The following CHST8 variants were observed in gnomAD, a reference collection of about 807,000 sequenced individuals.
CHST8 encodes GALNAC-4-ST1.
Under a neutral mutation model 15.0 loss-of-function variants are expected in CHST8, and 10 were observed. The observed-to-expected ratio is 0.67, with a 90% confidence interval of 0.41 to 1.13. The LOEUF is 1.13. Ranked by LOEUF, CHST8 falls within the 50% of genes most tolerant of loss-of-function variation. The pLI, the probability that CHST8 is intolerant of heterozygous loss-of-function variation, is 0.00. For missense variants in CHST8, 634 were observed against 608.2 expected, an observed-to-expected ratio of 1.04 and a Z score of -0.45; for synonymous variants, 259 against 256.6, an observed-to-expected ratio of 1.01 and a Z score of -0.09.
intron 2 of CHST8, among the ~76,000 whole-genome samples, chr19:33,686,454 CTG>C: frequency 6.6e-6 from 1 of 152,282 alleles, no homozygotes; most frequent in East Asian, 1.9e-4. Context: ...TGGAGACAGA[CTG>C]GGGAGAAGAG....
At chr19:33,707,026 G>A (rs1033306451) in intron 3 of CHST8, among the ~76,000 whole-genome samples, 18 of 152,292 alleles carry the variant, frequency 1.2e-4, no homozygotes, top group African/African-American at 4.3e-4. Flanking sequence ...AGGTGATGGG[G>A]ACTTTCTGGG....
At chr19:33,623,356 G>A (rs928188541) in intron 1 of CHST8, among the ~76,000 whole-genome samples, 1 of 152,162 alleles carries the variant, frequency 6.6e-6, no homozygotes, top group Admixed American at 6.5e-5. Context: ...CTCAGGAGCC[G>A]TGATCAGCTC....
intron 3 of CHST8, among the ~76,000 whole-genome samples, chr19:33,697,451 C>T (rs1017960255): frequency 6.6e-5 from 10 of 151,982 alleles, no homozygotes; most frequent in African/African-American, 2.4e-4. Flanking sequence ...AGGCTGGTCT[C>T]GAACTCCTGG....
chr19:33,675,023 T>G (rs768970373), intron 2 of CHST8, among the ~76,000 whole-genome samples: 1 of 152,102 alleles, frequency 6.6e-6, no homozygotes, highest in African/African-American at 2.4e-5. Context: ...GATGGAGCCG[T>G]AGAGACACAC....
chr19:33,738,585 GT>G (rs919013783), intron 3 of CHST8, among the ~76,000 whole-genome samples: 1 of 152,080 alleles, frequency 6.6e-6, no homozygotes, highest in Non-Finnish European at 1.5e-5. Flanking sequence ...GAGAGTGCAA[GT>G]TTTTTCTTTT....
intron 3 of CHST8, chr19:33,744,604 A>G (rs1974274686): frequency 6.6e-6 from 1 of 151,852 alleles, no homozygotes; most frequent in Non-Finnish European, 1.5e-5. Context: ...TCTGTCAGCC[A>G]GGTTGTAGTG....
chr19:33,644,123 C>T (rs11882375), intron 1 of CHST8, among the ~76,000 whole-genome samples: 61,045 of 151,750 alleles, frequency 0.4, 12,670 homozygotes, highest in Admixed American at 0.54. Flanking sequence ...GGTAGAGATG[C>T]GGTTTCACCA....
At chr19:33,729,461 C>A (rs1973957046) in intron 3 of CHST8, among the ~76,000 whole-genome samples, 1 of 152,236 alleles carries the variant, frequency 6.6e-6, no homozygotes, top group Non-Finnish European at 1.5e-5. Flanking sequence ...GAAGTGACAG[C>A]CCGTCATTGT....
Position 33,745,247 on chromosome 19 carries a change from C to G in CHST8, c.131-26166C>G, listed in dbSNP as rs545209932. Among the ~76,000 whole-genome samples the G allele has an allele frequency of 4.6e-5, 7 of 152,202 alleles. No individual in the cohort carries two copies. In the South Asian group the frequency reaches 1.5e-3, roughly 32 times the overall value. ...AGGTAAGAGTCTCTATATAGGCTGC[C>G]ACAGAGTTAATTGCCAGCCAATGCC... On this transcript the variant is annotated intron_variant, in intron 3 of 4. Transcript: ENST00000650847.
At chr19:33,667,454 C>T (rs1972678684) in intron 1 of CHST8, among the ~76,000 whole-genome samples, 1 of 152,292 alleles carries the variant, frequency 6.6e-6, no homozygotes, top group East Asian at 1.9e-4. Context: ...CCACTTCTCT[C>T]TGCACCTTTC....
intron 3 of CHST8, among the ~76,000 whole-genome samples, chr19:33,690,355 T>C (rs557487069): frequency 3.3e-5 from 5 of 152,036 alleles, no homozygotes; most frequent in African/African-American, 1.2e-4. Context: ...GAGGGGTTGC[T>C]GCGTAAATCC....
At chr19:33,646,275 C>T (rs867153814) in intron 1 of CHST8, among the ~76,000 whole-genome samples, 1 of 151,964 alleles carries the variant, frequency 6.6e-6, no homozygotes, top group East Asian at 1.9e-4. Flanking sequence ...GAATGCTGGC[C>T]GGCTGTGTTA....
chr19:33,763,916 C>T (rs950041524), intron 3 of CHST8, among the ~76,000 whole-genome samples: 5 of 152,224 alleles, frequency 3.3e-5, no homozygotes, highest in Admixed American at 1.3e-4. Flanking sequence ...AAGCAGGCCC[C>T]GGCCTGGCAT....
intron 3 of CHST8, among the ~76,000 whole-genome samples, chr19:33,746,041 A>T (rs922249660): frequency 4.6e-5 from 7 of 152,214 alleles, no homozygotes; most frequent in Admixed American, 4.6e-4. Context: ...TTGAAAATTA[A>T]TTGTAGCTGG....
chr19:33,652,069 T>G (rs1972455877), intron 1 of CHST8, among the ~76,000 whole-genome samples: 1 of 152,156 alleles, frequency 6.6e-6, no homozygotes, highest in Admixed American at 6.6e-5. Context: ...TTGACTATAT[T>G]TTTTTGTAAA....
At chr19:33,628,483 C>A (rs950714126) in intron 1 of CHST8, among the ~76,000 whole-genome samples, 28 of 152,198 alleles carry the variant, frequency 1.8e-4, no homozygotes, top group African/African-American at 6.5e-4. Flanking sequence ...TGGTCTGGTC[C>A]ATCAGGCTCT....
At chr19:33,626,600 G>C (rs1217617673) in intron 1 of CHST8, among the ~76,000 whole-genome samples, 1 of 152,118 alleles carries the variant, frequency 6.6e-6, no homozygotes, top group Admixed American at 6.6e-5. Context: ...GTTCCCACAA[G>C]AGCTGGTTGT....
intron 3 of CHST8, among the ~76,000 whole-genome samples, chr19:33,715,600 G>A (rs557524331): frequency 6.6e-6 from 1 of 152,352 alleles, no homozygotes; most frequent in Non-Finnish European, 1.5e-5. Context: ...CAGGCAGGAG[G>A]TGACAGAACC....
chr19:33,641,809 A>G (rs932194666), intron 1 of CHST8, among the ~76,000 whole-genome samples: 1 of 152,124 alleles, frequency 6.6e-6, no homozygotes, highest in African/African-American at 2.4e-5. Context: ...GTCATCGCAG[A>G]AAGGGATGAG....
Sources: gnomAD v4.1 joint callset for allele counts (sites outside exome capture counted in the v4.1 genomes callset) on GRCh38, gnomAD v4.1.1 for gene constraint, MANE v1.5 for transcripts, NCBI Gene and HGNC (gene_info 2026-07-23, HGNC 2026-07-21) for gene names.